SYNE1: variants seen among roughly 807,000 people sequenced by gnomAD.
SYNE1 encodes spectrin repeat containing nuclear envelope protein 1.
Under a neutral mutation model 1,111.0 loss-of-function variants are expected in SYNE1, and 616 were observed. That is an observed-to-expected ratio of 0.55 (90% CI 0.52 to 0.59). The LOEUF (loss-of-function observed/expected upper bound fraction) is 0.59, where lower values mean the gene tolerates loss of function less well. SYNE1 is among the 20% of genes least tolerant of loss of function. The pLI is 0.00. For synonymous variants in SYNE1, 3,855 were observed against 3,825.8 expected (o/e 1.01, Z -0.28); for missense variants, 10,006 against 10,417.0 (o/e 0.96, Z 1.72).
In SYNE1 at chr6:152,396,852, A is replaced by T. The variant is rs996248679; in HGVS notation, c.7479T>A (p.Asn2493Lys). 3.1e-6 allele frequency: 5 copies of T among 1,614,014 alleles called. No individual in the cohort carries two copies. Among genetic ancestry groups the T allele is most frequent in the Non-Finnish European group, 4.2e-6 (5 of 1,180,020 alleles). ...SSIQEQITKA[N>K]EEFQAFLKQC... is the part of the protein sequence containing the mutation. The stretch of plus-strand genomic sequence containing the variant: ...GTTTCAGAAATGCTTGAAACTCTTC[A>T]TTGGCCTTTGTGATTTGTTCTTGAA... The change falls in exon 50 of 146, where the codon AAT becomes AAA. Residue 2493 changes from asparagine (N) to lysine (K), a missense_variant. Around this residue, in one of 7 missense-constraint regions of SYNE1, gnomAD observed 4,955 missense variants for 5,017.2 expected, o/e 0.99. Coordinates refer to ENST00000367255, the MANE Select transcript of SYNE1 (RefSeq NM_182961.4).
intron 55 of SYNE1, among the ~76,000 whole-genome samples, 154 bp downstream of exon 55, chr6:152,385,520 C>T (rs1368363104): frequency 6.6e-6 from 1 of 152,208 alleles, no homozygotes; most frequent in Non-Finnish European, 1.5e-5. Flanking sequence ...GAATTCTTCT[C>T]ATGACTCTTG....
rs142652507 is a variant in SYNE1 at position 152,304,907 on chromosome 6, C to T, written c.17347-2844G>A. 3.8e-3 allele frequency among the ~76,000 whole-genome samples: 577 copies of T among 152,314 alleles called. 5 individuals are homozygous for T. The highest frequency in any genetic ancestry group is 5.9e-3 in the Non-Finnish European group (403 of 68,028). ...AATTAGCCCATGTGACTCCAATGCACGTGACTTCCACTGAGAAATAGTACT... is the reference window on the plus strand; with the variant it reads ...AATTAGCCCATGTGACTCCAATGCATGTGACTTCCACTGAGAAATAGTACT... On this transcript the variant is annotated intron_variant, in intron 91 of 145. Transcript: ENST00000367255.
chr6:152,215,095 T>C lies in SYNE1; in HGVS notation c.22192-35A>G, dbSNP rs374748972. The C allele has an allele frequency of 6.8e-6, 11 of 1,612,630 alleles. No individual in the cohort carries two copies. The African/African-American group carries it at 9.3e-5, about 14-fold the overall frequency. ...AGATTTAAAAGTAGGTTTAGCACCA[T>C]GGTCAAAAAAGTCAAAACTTTTTCA... On this transcript the variant is annotated intron_variant, in intron 121 of 145. Transcript: ENST00000367255.
At chr6:152,247,855 AACACAC>A (rs10592346) in intron 105 of SYNE1, among the ~76,000 whole-genome samples, 104 of 89,892 alleles carry the variant, frequency 1.2e-3, no homozygotes, top group Middle Eastern at 5.6e-3. Context: ...GGTGTTCTTT[AACACAC>A]ACACACACAC....
intron 34 of SYNE1, among the ~76,000 whole-genome samples, chr6:152,432,655 T>C (rs990041964): frequency 6.6e-6 from 1 of 152,110 alleles, no homozygotes; most frequent in South Asian, 2.1e-4. Flanking sequence ...AAATGAATTA[T>C]AGAAAAAATA....
chr6:152,232,097 A>G lies in SYNE1; in HGVS notation c.20862+19T>C, dbSNP rs1264621841. The stretch of plus-strand genomic sequence containing the variant: ...TGGTCTGAAAATATGAAAAGTTAAA[A>G]ACAAAAAATTTTAATTACCTTATAT... On this transcript the variant is annotated intron_variant, in intron 113 of 145. Coordinates refer to ENST00000367255, the MANE Select transcript of SYNE1 (RefSeq NM_182961.4). 1 of 1,544,244 alleles carries G rather than the reference A, an allele frequency of 6.5e-7. No individual in the cohort carries two copies. Among genetic ancestry groups the G allele is most frequent in the Non-Finnish European group, 8.9e-7 (1 of 1,120,718 alleles).
In SYNE1 at chr6:152,450,680, T is replaced by C. The variant is rs1212122019; in HGVS notation, c.3340A>G (p.Ser1114Gly). Residue 1114 changes from serine (S) to glycine (G), a missense_variant, in exon 27 of 146, where the codon AGC becomes GGC. By Grantham distance (56) the Ser-to-Gly change is moderately conservative (BLOSUM62 0). Coordinates refer to ENST00000367255, the MANE Select transcript of SYNE1 (RefSeq NM_182961.4). ...TLKELRAAID[S>G]TYRKLMEDPD... ...TCTTCCATGAGCTTCCTGTAGGTGC[T>C]GTCAATGGCAGCTCTGAGCTCTTTG... 1 of 1,614,088 alleles carries C rather than the reference T, an allele frequency of 6.2e-7. No homozygotes were observed. Among genetic ancestry groups the C allele is most frequent in the African/African-American group, 1.3e-5 (1 of 74,928 alleles).
chr6:152,440,883 A>C (rs888232197), intron 32 of SYNE1, among the ~76,000 whole-genome samples: 3 of 152,112 alleles, frequency 2.0e-5, no homozygotes, highest in African/African-American at 7.2e-5. Flanking sequence ...CAGATTTTAA[A>C]AACTCTATAC....
At position 152,436,008 on chromosome 6, in the gene SYNE1, G is replaced by A; in HGVS notation, c.4243C>T (p.Leu1415=). ...EIPLGPQNKQ[L]LQQQAKSIKE... is the part of the protein sequence containing the mutation. Reference sequence around the variant, plus strand: ...ATTGACTTGGCCTGCTGTTGAAGCAGCTGCTTATTTTGGGGCCCAAGCGGT... The same window carrying A: ...ATTGACTTGGCCTGCTGTTGAAGCAACTGCTTATTTTGGGGCCCAAGCGGT... Residue 1415 remains leucine, a synonymous_variant, in exon 33 of 146, where the codon CTG becomes TTG. Transcript: ENST00000367255. 1 of 1,614,132 alleles carries A rather than the reference G, an allele frequency of 6.2e-7. No individual in the cohort carries two copies. The highest frequency in any genetic ancestry group is 8.5e-7 in the Non-Finnish European group (1 of 1,180,018).
intron 127 of SYNE1, among the ~76,000 whole-genome samples, chr6:152,194,716 TCTGA>T (rs1288897785): frequency 1.3e-5 from 2 of 152,150 alleles, no homozygotes; most frequent in Admixed American, 6.5e-5. Flanking sequence ...ATTTGTCTCC[TCTGA>T]CTGCGTAGCT....
At chr6:152,375,524 A>G (rs2154101276) in intron 58 of SYNE1, among the ~76,000 whole-genome samples, 1 of 152,350 alleles carries the variant, frequency 6.6e-6, no homozygotes, top group East Asian at 1.9e-4. Context: ...GTGCTTAAAA[A>G]GTGCTGCTAT....
At chr6:152,372,893 T>C in intron 59 of SYNE1, 144 bp downstream of exon 59, 1 of 864,714 alleles carries the variant, frequency 1.2e-6, no homozygotes, top group Non-Finnish European at 1.9e-6. Context: ...TTCCTTACTG[T>C]TAGCCCATTG....
chr6:152,364,969 C>A lies in SYNE1; in HGVS notation c.10023G>T (p.Val3341=). Residue 3341 remains valine, a synonymous_variant, in exon 63 of 146, where the codon GTG becomes GTT. Coordinates refer to ENST00000367255, the MANE Select transcript of SYNE1 (RefSeq NM_182961.4). ...TCTGAAGGACAGATTCTCCCCTGGT[C>A]ACTATCATTTTCATCTGAATCTCTT... The part of the protein sequence containing the change: ...QEKEIQMKMI[V]TRGESVLQNT... 1 of 1,614,202 alleles carries A rather than the reference C, an allele frequency of 6.2e-7. No homozygotes were observed. Among genetic ancestry groups the A allele is most frequent in the South Asian group, 1.1e-5 (1 of 91,074 alleles).
intron 87 of SYNE1, 134 bp from the exon 88 acceptor site, chr6:152,311,007 C>G (rs2153837198): frequency 1.2e-6 from 1 of 846,830 alleles, no homozygotes; most frequent in Non-Finnish European, 1.9e-6. Context: ...CCCCCCATGA[C>G]CACTTTCTAC....
intron 11 of SYNE1, among the ~76,000 whole-genome samples, chr6:152,490,222 T>G (rs1182571126): frequency 6.6e-6 from 1 of 152,164 alleles, no homozygotes; most frequent in African/African-American, 2.4e-5. Flanking sequence ...TATGTGTAGG[T>G]TATATGCAAA....
chr6:152,282,335 C>T (rs919481947), intron 96 of SYNE1, among the ~76,000 whole-genome samples: 3 of 152,064 alleles, frequency 2.0e-5, no homozygotes, highest in Non-Finnish European at 2.9e-5. Flanking sequence ...CAGTAGACAC[C>T]GGACCTCTAT....
intron 95 of SYNE1, among the ~76,000 whole-genome samples, chr6:152,289,820 G>T (rs1282421433): frequency 2.0e-5 from 3 of 151,766 alleles, no homozygotes; most frequent in Admixed American, 6.6e-5. Flanking sequence ...TAGAGACGGG[G>T]TTTCACCATG....
chr6:152,318,766 G>A, intron 85 of SYNE1, 97 bp downstream of exon 85: 1 of 1,462,384 alleles, frequency 6.8e-7, no homozygotes, highest in South Asian at 1.2e-5. Context: ...TTTTAAAAAA[G>A]GTTCCTAAAA....
intron 91 of SYNE1, among the ~76,000 whole-genome samples, chr6:152,302,938 T>C (rs563136794): frequency 5.3e-5 from 8 of 152,084 alleles, no homozygotes; most frequent in Non-Finnish European, 1.0e-4. Context: ...AAGGTAACTA[T>C]AGATTCATTT....
Sources: gnomAD v4.1 joint callset for allele counts (sites outside exome capture counted in the v4.1 genomes callset) on GRCh38, gnomAD v4.1.1 for gene constraint, gnomAD v4.1.1 regional missense constraint, MANE v1.5 for transcripts, NCBI Gene and HGNC (gene_info 2026-07-23, HGNC 2026-07-21) for gene names.